The following PRKAG2 variants were observed in gnomAD, a reference collection of about 807,000 sequenced individuals.
PRKAG2 encodes 5'-AMP-activated protein kinase subunit gamma-2.
A neutral mutation model predicts 69.6 loss-of-function variants in PRKAG2; 26 were observed. That is an observed-to-expected ratio of 0.37 (90% confidence interval 0.27 to 0.52). The LOEUF is 0.52. Ranked by LOEUF, PRKAG2 falls within the 20% of genes least tolerant of loss-of-function variation. PRKAG2 has a pLI of 0.90. For synonymous variants in PRKAG2, 293 were observed against 285.0 expected (o/e 1.03, Z -0.28); for missense variants, 557 against 740.0 (o/e 0.75, Z 2.87).
intron 5 of PRKAG2, among the ~76,000 whole-genome samples, chr7:151,610,495 G>A (rs908078355): frequency 6.6e-6 from 1 of 151,998 alleles, no homozygotes; most frequent in Non-Finnish European, 1.5e-5. Context: ...TGACCAACAT[G>A]GTGAAACCCT....
intron 5 of PRKAG2, among the ~76,000 whole-genome samples, chr7:151,623,194 G>T (rs996472790): frequency 6.6e-6 from 1 of 151,582 alleles, no homozygotes; most frequent in Non-Finnish European, 1.5e-5. Context: ...GTAAAACCCC[G>T]TCTCTACAAA....
At chr7:151,597,873 G>A (rs1373568473) in intron 5 of PRKAG2, among the ~76,000 whole-genome samples, 3 of 140,616 alleles carry the variant, frequency 2.1e-5, no homozygotes, top group Non-Finnish European at 4.6e-5. Context: ...ATATAAATTA[G>A]TAGAGCCATT....
chr7:151,782,305 G>A (rs1478702877), intron 2 of PRKAG2, among the ~76,000 whole-genome samples: 1 of 33,344 alleles, frequency 3.0e-5, no homozygotes, highest in Non-Finnish European at 5.2e-5. Context: ...AGAAAGGAAG[G>A]AAGGAAGGAA....
intron 5 of PRKAG2, among the ~76,000 whole-genome samples, chr7:151,601,278 C>T (rs183393320): frequency 6.6e-4 from 101 of 152,304 alleles, no homozygotes; most frequent in Middle Eastern, 3.4e-3. Context: ...TTCCCCTGAA[C>T]GCCAACAGCA....
rs561135663 is a variant in PRKAG2, at chr7:151,653,875, G to A, written c.684+21545C>T. ...CAAAAATCTTACAGACTTGGTACAC[G>A]TCTCGCTGCAGATAAGCCCAATCCT... is the stretch of plus-strand genomic sequence containing the variant. On this transcript the variant is annotated intron_variant, in intron 4 of 15. Coordinates refer to ENST00000287878, the MANE Select transcript of PRKAG2 (RefSeq NM_016203.4). Among the ~76,000 whole-genome samples the A allele has an allele frequency of 1.9e-4, 29 of 152,218 alleles. 1 individual carries two copies. In the South Asian group the frequency reaches 4.8e-3, roughly 25 times the overall value.
intron 6 of PRKAG2, among the ~76,000 whole-genome samples, chr7:151,580,880 G>C (rs1480475081): frequency 1.3e-5 from 2 of 152,146 alleles, no homozygotes; most frequent in Non-Finnish European, 2.9e-5. Flanking sequence ...ATACGGTCTA[G>C]TATTTGATGG....
At chr7:151,857,569 G>A (rs553462691) in intron 1 of PRKAG2, among the ~76,000 whole-genome samples, 3 of 152,302 alleles carry the variant, frequency 2.0e-5, no homozygotes, top group South Asian at 4.1e-4. Flanking sequence ...GGCGCCAGAC[G>A]GCTCCGGCTT....
At chr7:151,758,068 A>G (rs989736842) in intron 3 of PRKAG2, among the ~76,000 whole-genome samples, 1 of 152,050 alleles carries the variant, frequency 6.6e-6, no homozygotes, top group Admixed American at 6.5e-5. Flanking sequence ...CCTACCAGAC[A>G]CCATGGTCAT....
intron 5 of PRKAG2, among the ~76,000 whole-genome samples, chr7:151,606,255 C>T (rs1817534916): frequency 6.6e-6 from 1 of 152,102 alleles, no homozygotes; most frequent in Non-Finnish European, 1.5e-5. Context: ...AAAACAACAT[C>T]AATCACAACA....
At chr7:151,582,662 G>A (rs367944373) in intron 6 of PRKAG2, among the ~76,000 whole-genome samples, 3 of 152,150 alleles carry the variant, frequency 2.0e-5, no homozygotes, top group Non-Finnish European at 4.4e-5. Flanking sequence ...TCAACTTCTC[G>A]TTTTCCACAT....
rs557475937 is a variant in PRKAG2 at position 151,838,022 on chromosome 7, G to A, written c.114+38485C>T. 6.6e-5 allele frequency among the ~76,000 whole-genome samples: 10 copies of A among 152,176 alleles called. No homozygotes were observed. The East Asian group carries it at 1.4e-3, about 21-fold the overall frequency. Reference sequence around the variant, plus strand: ...GGCCACACCTGGGCCTCGGGAACGCGCACAGGACCCCGGAGGAGGCCACAC... The same window carrying A: ...GGCCACACCTGGGCCTCGGGAACGCACACAGGACCCCGGAGGAGGCCACAC... On this transcript the variant is annotated intron_variant, in intron 1 of 15. Coordinates refer to ENST00000287878, the MANE Select transcript of PRKAG2 (RefSeq NM_016203.4).
intron 5 of PRKAG2, among the ~76,000 whole-genome samples, chr7:151,610,446 A>T (rs1336077691): frequency 1.3e-5 from 2 of 151,976 alleles, no homozygotes; most frequent in Non-Finnish European, 2.9e-5. Context: ...TGGGAGACCG[A>T]GGCAGGCGGA....
intron 1 of PRKAG2, among the ~76,000 whole-genome samples, chr7:151,793,858 T>C (rs1489864784): frequency 6.6e-6 from 1 of 151,966 alleles, no homozygotes; most frequent in East Asian, 1.9e-4. Flanking sequence ...CTCAGAAAAA[T>C]AAGGAACAAA....
Position 151,605,477 on chromosome 7 carries a change from G to A in PRKAG2, c.755-10023C>T, listed in dbSNP as rs147402408. On this transcript the variant is annotated intron_variant, in intron 5 of 15. Transcript: ENST00000287878. ...TGGCTGGGTGCAGTGGCTCACGCCT[G>A]TAATCCCAGCACTTTGGGAGGCCAA... Among the ~76,000 whole-genome samples, 139 of 151,942 alleles carry A rather than the reference G, an allele frequency of 9.1e-4. 1 individual carries two copies. In the East Asian group the frequency reaches 0.025, roughly 28 times the overall value.
chr7:151,802,007 C>G (rs1024246261), intron 1 of PRKAG2, among the ~76,000 whole-genome samples: 1 of 152,166 alleles, frequency 6.6e-6, no homozygotes, highest in Admixed American at 6.5e-5. Flanking sequence ...CTCCATGCAG[C>G]CCAAGCCTCT....
chr7:151,797,579 C>G (rs1210972189), intron 1 of PRKAG2, among the ~76,000 whole-genome samples: 6 of 152,208 alleles, frequency 3.9e-5, no homozygotes, highest in Admixed American at 3.3e-4. Context: ...ATTTACAGAG[C>G]CATACATCAA....
intron 3 of PRKAG2, among the ~76,000 whole-genome samples, chr7:151,742,170 C>G (rs766321264): frequency 2.8e-4 from 42 of 152,318 alleles, no homozygotes; most frequent in African/African-American, 8.7e-4. Context: ...CCATACCATA[C>G]TTTCTCATCC....
intron 5 of PRKAG2, among the ~76,000 whole-genome samples, chr7:151,617,953 TA>T (rs1180673625): frequency 6.6e-6 from 1 of 152,186 alleles, no homozygotes; most frequent in African/African-American, 2.4e-5. Flanking sequence ...AGAAAACTGT[TA>T]AAAAATATCT....
At position 151,771,166 on chromosome 7, in the gene PRKAG2, C is replaced by T. The variant is rs534491812; in HGVS notation, c.466+9986G>A. ...AAGAACATAGAAAGTAATCTCATTACATGCATGATTTTTACCCTATCTTCA... is the reference window on the plus strand; with the variant it reads ...AAGAACATAGAAAGTAATCTCATTATATGCATGATTTTTACCCTATCTTCA... On this transcript the variant is annotated intron_variant, in intron 3 of 15. Coordinates refer to ENST00000287878, the MANE Select transcript of PRKAG2 (RefSeq NM_016203.4). The surrounding 1 kb of genome is among the most constrained non-coding windows in gnomAD (Gnocchi z 4.0). 2.0e-5 allele frequency among the ~76,000 whole-genome samples: 3 copies of T among 152,360 alleles called. No homozygotes were observed. The South Asian group carries it at 6.2e-4, about 32-fold the overall frequency.
Sources: allele counts gnomAD v4.1 joint callset (sites outside exome capture counted in the v4.1 genomes callset), GRCh38; gene constraint gnomAD v4.1.1; non-coding constraint Gnocchi (gnomAD v3.1); transcripts MANE v1.5; gene names NCBI Gene and HGNC (gene_info 2026-07-23, HGNC 2026-07-21).